DNAJC5: variants seen among roughly 807,000 people sequenced by gnomAD.
DNAJC5 encodes the protein dnaJ homolog subfamily C member 5.
Under a neutral mutation model 23.2 loss-of-function variants are expected in DNAJC5, and 1 was observed. That is an observed-to-expected ratio of 0.04 (90% CI 0.02 to 0.20). DNAJC5 has a LOEUF of 0.20. Among genes scored for constraint, DNAJC5 ranks in the 10% least tolerant of loss-of-function variants. The pLI is 1.00. For synonymous variants in DNAJC5, 136 were observed against 120.0 expected, an observed-to-expected ratio of 1.13 and a Z score of -0.87; for missense variants, 180 against 267.0, an observed-to-expected ratio of 0.67 and a Z score of 2.27.
chr20:63,897,523 G>A (rs760467589), intron 1 of DNAJC5, among the ~76,000 whole-genome samples: 2 of 152,176 alleles, frequency 1.3e-5, no homozygotes, highest in Non-Finnish European at 2.9e-5. Flanking sequence ...CAAAGGTCAC[G>A]CCACACTGCA....
At chr20:63,909,970 T>G (rs2053472394) in intron 1 of DNAJC5, among the ~76,000 whole-genome samples, 1 of 152,212 alleles carries the variant, frequency 6.6e-6, no homozygotes, top group Non-Finnish European at 1.5e-5. Context: ...GGGACTGTGT[T>G]AAGGTTTTCT....
chr20:63,921,734 T>C lies in DNAJC5; in HGVS notation c.-11-6601T>C, dbSNP rs535123053. Among the ~76,000 whole-genome samples, 59 of 152,162 alleles carry C rather than the reference T, an allele frequency of 3.9e-4. No individual in the cohort carries two copies. In the South Asian group the frequency reaches 4.1e-3, roughly 11 times the overall value. On this transcript the variant is annotated intron_variant, in intron 1 of 4. Transcript: ENST00000360864. Reference sequence around the variant, plus strand: ...TGTAGCTGCGGCTGCACACCAGGCCTCTCCTTTAACTGTGTTATAACCTTT... The same window carrying C: ...TGTAGCTGCGGCTGCACACCAGGCCCCTCCTTTAACTGTGTTATAACCTTT...
At chr20:63,915,696 G>A (rs1421581578) in intron 1 of DNAJC5, among the ~76,000 whole-genome samples, 1 of 152,206 alleles carries the variant, frequency 6.6e-6, no homozygotes. Context: ...GGCCACTGGT[G>A]CAGTCCTCAG....
chr20:63,925,283 A>T (rs934066456), intron 1 of DNAJC5, among the ~76,000 whole-genome samples: 1 of 152,190 alleles, frequency 6.6e-6, no homozygotes, highest in African/African-American at 2.4e-5. Context: ...CAGGAGTTCA[A>T]GACCATCCTG....
intron 1 of DNAJC5, among the ~76,000 whole-genome samples, chr20:63,912,842 C>T (rs2053490654): frequency 1.3e-5 from 2 of 152,136 alleles, no homozygotes; most frequent in South Asian, 2.1e-4. Context: ...CTCCTGACCT[C>T]GTGATCTGGC....
chr20:63,901,130 A>G (rs1316891475), intron 1 of DNAJC5, among the ~76,000 whole-genome samples: 1 of 152,054 alleles, frequency 6.6e-6, no homozygotes, highest in Non-Finnish European at 1.5e-5. Flanking sequence ...ACGCCCAGCT[A>G]ATTTTTGTAT....
intron 1 of DNAJC5, among the ~76,000 whole-genome samples, chr20:63,918,829 T>C (rs1600872185): frequency 6.6e-6 from 1 of 152,300 alleles, no homozygotes; most frequent in East Asian, 1.9e-4. Context: ...CTCCTGACCT[T>C]GTGACCCGCC....
intron 1 of DNAJC5, among the ~76,000 whole-genome samples, chr20:63,907,361 A>G (rs1190533416): frequency 6.6e-6 from 1 of 152,214 alleles, no homozygotes; most frequent in African/African-American, 2.4e-5. Context: ...AGCACAGATC[A>G]TCATCATAAT....
In DNAJC5 at chr20:63,932,036, C is replaced by G. The variant is rs181187018; in HGVS notation, c.*468C>G. 29 of 289,018 alleles carry G rather than the reference C, an allele frequency of 1.0e-4. No homozygotes were observed. In the Admixed American group the frequency reaches 1.0e-3, roughly 10 times the overall value. 17.9% of individuals were successfully genotyped at this position (289,018 alleles called of 1,614,324 possible). A position where few individuals can be genotyped will look rare whatever the true frequency, so the allele number is the denominator to read the frequency against. On this transcript the variant is annotated 3_prime_UTR_variant, in exon 5 of 5. Coordinates refer to ENST00000360864, the MANE Select transcript of DNAJC5 (RefSeq NM_025219.3). The surrounding 1 kb of genome is among the most constrained non-coding windows in gnomAD (Gnocchi z 4.4). The stretch of plus-strand genomic sequence containing the variant: ...TACCGTCTTGGCCTCGGGGTCTGGT[C>G]CACACTCTGTGCTCCCAGCCTTGAG...
At position 63,928,157 on chromosome 20, in the gene DNAJC5, G is replaced by A. The variant is rs1327321155; in HGVS notation, c.-11-178G>A. 6.6e-6 allele frequency among the ~76,000 whole-genome samples: 1 copy of A among 152,086 alleles called. No individual in the cohort carries two copies. The highest frequency in any genetic ancestry group is 2.4e-5 in the African/African-American group (1 of 41,408). Reference sequence around the variant, plus strand: ...TTCTTCAGGATCTCTTGGGGTGGCCGTATTCTGCCGTCTCACACTTCTCCA... The same window carrying A: ...TTCTTCAGGATCTCTTGGGGTGGCCATATTCTGCCGTCTCACACTTCTCCA... On this transcript the variant is annotated intron_variant, in intron 1 of 4. Transcript: ENST00000360864. The surrounding 1 kb of genome is among the most constrained non-coding windows in gnomAD (Gnocchi z 4.6).
rs558503219 is a variant in DNAJC5 at position 63,931,316 on chromosome 20, C to A, written c.494-149C>A. 1.8e-3 allele frequency: 1,601 copies of A among 882,416 alleles called. 34 individuals are homozygous for A. The South Asian group carries it at 0.023, about 12-fold the overall frequency. The allele number at this position is 882,416 out of a possible 1,614,324, so 54.7% of individuals were successfully genotyped here. The stretch of plus-strand genomic sequence containing the variant: ...GAGGGCTGGCGGTGACCCAAGGCGA[C>A]GGAGGAAAGCCGTGTGGGGTGGAGG... On this transcript the variant is annotated intron_variant, in intron 4 of 4. Coordinates refer to ENST00000360864, the MANE Select transcript of DNAJC5 (RefSeq NM_025219.3). This position sits in a 1 kb window ranked among gnomAD's most constrained non-coding sequence, Gnocchi z 9.6.
In DNAJC5 at chr20:63,920,129, A is replaced by T. The variant is rs1448359280; in HGVS notation, c.-11-8206A>T. On this transcript the variant is annotated intron_variant, in intron 1 of 4. Transcript: ENST00000360864. The surrounding 1 kb of genome is among the most constrained non-coding windows in gnomAD (Gnocchi z 4.6). ...CCCAGGGCCCGGGACAGCGCCACGG[A>T]AGAGGACGCACAGGACAGCGCCACG... Among the ~76,000 whole-genome samples, 1 of 127,108 alleles carries T rather than the reference A, an allele frequency of 7.9e-6. No homozygotes were observed. The highest frequency in any genetic ancestry group is 3.1e-5 in the African/African-American group (1 of 31,968). The allele number at this position is 127,108 out of a possible 152,430, so 83.4% of individuals were successfully genotyped here. A position where few individuals can be genotyped will look rare whatever the true frequency, so the allele number is the denominator to read the frequency against.
At chr20:63,909,201 G>A (rs1325778329) in intron 1 of DNAJC5, 1 of 148,824 alleles carries the variant, frequency 6.7e-6, no homozygotes, top group Non-Finnish European at 1.5e-5. Flanking sequence ...AAGCCGAGGT[G>A]GGTGGATCAC....
intron 1 of DNAJC5, among the ~76,000 whole-genome samples, chr20:63,898,610 G>C (rs932912282): frequency 6.6e-6 from 1 of 152,136 alleles, no homozygotes; most frequent in Non-Finnish European, 1.5e-5. Context: ...TTGGGAGGCC[G>C]AGGCGGGCAG....
At chr20:63,922,629 G>C (rs1230400202) in intron 1 of DNAJC5, among the ~76,000 whole-genome samples, 1 of 152,088 alleles carries the variant, frequency 6.6e-6, no homozygotes, top group Non-Finnish European at 1.5e-5. Flanking sequence ...AACTTAGCTG[G>C]CATGGTGGCT....
At chr20:63,924,749 G>A (rs1253805480) in intron 1 of DNAJC5, among the ~76,000 whole-genome samples, 1 of 152,196 alleles carries the variant, frequency 6.6e-6, no homozygotes. Flanking sequence ...TGCGGCATGG[G>A]AATGGGTTGA....
chr20:63,914,991 A>G (rs994272186), intron 1 of DNAJC5, among the ~76,000 whole-genome samples: 1 of 152,184 alleles, frequency 6.6e-6, no homozygotes, highest in Non-Finnish European at 1.5e-5. Flanking sequence ...AGAACGCTCA[A>G]AATGGAGCAA....
At chr20:63,909,707 C>A (rs550999867) in intron 1 of DNAJC5, among the ~76,000 whole-genome samples, 1 of 152,262 alleles carries the variant, frequency 6.6e-6, no homozygotes, top group South Asian at 2.1e-4. Flanking sequence ...AGAAAAAAGT[C>A]TTCCCCGTGA....
Position 63,928,376 on chromosome 20 carries a change from A to G in DNAJC5, c.31A>G (p.Thr11Ala), listed in dbSNP as rs796052408. Residue 11 changes from threonine to alanine, a missense_variant, in exon 2 of 5, where the codon ACC becomes GCC. Around this residue, in one of 3 missense-constraint regions of DNAJC5, gnomAD observed 77 missense variants for 106.8 expected, o/e 0.72. Transcript: ENST00000360864. The surrounding 1 kb of genome is among the most constrained non-coding windows in gnomAD (Gnocchi z 4.6). MADQRQRSLSTSGESLYHVLG... is the reference protein window; with the variant it reads MADQRQRSLSASGESLYHVLG... ...AGACCAGAGACAGCGCTCACTGTCT[A>G]CCTCTGGGGAGTCATTGTACCACGT... The G allele has an allele frequency of 1.9e-6, 3 of 1,613,874 alleles. No individual in the cohort carries two copies. Among genetic ancestry groups the G allele is most frequent in the South Asian group, 1.1e-5 (1 of 91,086 alleles).
Sources: gnomAD v4.1 joint callset for allele counts (sites outside exome capture counted in the v4.1 genomes callset) on GRCh38, gnomAD v4.1.1 for gene constraint, gnomAD v4.1.1 regional missense constraint, Gnocchi (gnomAD v3.1) non-coding constraint, MANE v1.5 for transcripts, NCBI Gene and HGNC (gene_info 2026-07-23, HGNC 2026-07-21) for gene names.